Variants in AGPS observed in about 807,000 individuals in gnomAD.
AGPS encodes the protein alkyldihydroxyacetonephosphate synthase, peroxisomal.
In AGPS, 26 loss-of-function variants were observed where a neutral mutation model predicts 90.7. The observed-to-expected ratio is 0.29, with a 90% CI of 0.21 to 0.40. The LOEUF is 0.40. AGPS is among the 10% of genes least tolerant of loss of function. The probability of loss-of-function intolerance (pLI) is 1.00; values close to 1 mark genes in which losing one functional copy is unlikely to be tolerated. For missense variants in AGPS, 540 were observed against 816.1 expected (o/e 0.66, Z 4.12); for synonymous variants, 294 against 285.3 (o/e 1.03, Z -0.31).
At chr2:177,444,518 C>A (rs185019556) in intron 7 of AGPS, among the ~76,000 whole-genome samples, 1 of 151,498 alleles carries the variant, frequency 6.6e-6, no homozygotes, top group East Asian at 1.9e-4. Flanking sequence ...AAAGTGCATT[C>A]ACATACATCA....
At chr2:177,432,846 G>A (rs778042505) in intron 2 of AGPS, among the ~76,000 whole-genome samples, 1 of 152,208 alleles carries the variant, frequency 6.6e-6, no homozygotes, top group Non-Finnish European at 1.5e-5. Context: ...TGCAGAAGGG[G>A]AAGGGGAGCT....
At chr2:177,462,075 A>G in intron 9 of AGPS, 57 bp downstream of exon 9, 1 of 1,399,664 alleles carries the variant, frequency 7.1e-7, no homozygotes, top group South Asian at 1.3e-5. Flanking sequence ...TATTATTATA[A>G]AATGATTAGA....
intron 2 of AGPS, 95 bp from the exon 3 acceptor site, chr2:177,434,232 T>C: frequency 1.2e-6 from 1 of 831,970 alleles, no homozygotes; most frequent in South Asian, 1.6e-5. Context: ...GTTGGTTTGA[T>C]AGTAGCTGCT....
At chr2:177,511,927 A>G (rs1043927453) in intron 16 of AGPS, among the ~76,000 whole-genome samples, 21 of 152,192 alleles carry the variant, frequency 1.4e-4, no homozygotes, top group African/African-American at 4.3e-4. Context: ...TTACTATTGT[A>G]TTTAAGATGA....
At chr2:177,537,454 C>A (rs1288995795) in intron 19 of AGPS, among the ~76,000 whole-genome samples, 3 of 151,918 alleles carry the variant, frequency 2.0e-5, no homozygotes, top group African/African-American at 7.2e-5. Flanking sequence ...GAAAAAAATT[C>A]TAAATCTGGA....
chr2:177,460,317 T>TA (rs58426500), intron 8 of AGPS, among the ~76,000 whole-genome samples: 6,425 of 151,042 alleles, frequency 0.043, 453 homozygotes, highest in African/African-American at 0.15. Flanking sequence ...AGTATAATGA[T>TA]AAAAAAAAAT....
At chr2:177,432,000 C>T (rs1410473545) in intron 2 of AGPS, among the ~76,000 whole-genome samples, 1 of 152,216 alleles carries the variant, frequency 6.6e-6, no homozygotes, top group Non-Finnish European at 1.5e-5. Context: ...TGTTCCTCTG[C>T]CATGGCTCCA....
chr2:177,449,637 G>T (rs1320877603), intron 8 of AGPS, among the ~76,000 whole-genome samples: 1 of 152,040 alleles, frequency 6.6e-6, no homozygotes, highest in South Asian at 2.1e-4. Flanking sequence ...ATGTTGCCCA[G>T]GCTGTTCCTG....
In AGPS at chr2:177,392,897, G is replaced by A. The variant is rs886055163; in HGVS notation, c.108G>A (p.Arg36=). ...ACCCGGACCCGGACCGCGCCGGGCG[G>A]AGGCTGCGGGTTCTCTCTGGCCATC... ...DRDPDPDRAG[R]RLRVLSGHLL... Residue 36 remains arginine, a synonymous_variant, in exon 1 of 20, where the codon CGG becomes CGA. Coordinates refer to ENST00000264167, the MANE Select transcript of AGPS (RefSeq NM_003659.4). 2 of 1,550,574 alleles carry A rather than the reference G, an allele frequency of 1.3e-6. No individual in the cohort carries two copies. Among genetic ancestry groups the A allele is most frequent in the Non-Finnish European group, 1.7e-6 (2 of 1,147,508 alleles).
At chr2:177,461,496 T>C (rs550536787) in intron 8 of AGPS, among the ~76,000 whole-genome samples, 1 of 152,328 alleles carries the variant, frequency 6.6e-6, no homozygotes, top group Non-Finnish European at 1.5e-5. Flanking sequence ...GCTTTATTTA[T>C]TGAAAGTGTT....
At chr2:177,536,446 A>G (rs2079184944) in intron 19 of AGPS, among the ~76,000 whole-genome samples, 1 of 152,162 alleles carries the variant, frequency 6.6e-6, no homozygotes, top group African/African-American at 2.4e-5. Context: ...AATCTGGAAA[A>G]AACTGATTTT....
chr2:177,434,997 GTATATA>G (rs1553509324), intron 3 of AGPS, among the ~76,000 whole-genome samples: 50 of 128,130 alleles, frequency 3.9e-4, no homozygotes, highest in African/African-American at 9.2e-4. Context: ...TAAACTGTAG[GTATATA>G]TATATATATA....
chr2:177,504,057 A>C lies in AGPS; in HGVS notation c.1476-1449A>C, dbSNP rs114675896. Among the ~76,000 whole-genome samples the C allele has an allele frequency of 1.5e-3, 236 of 152,306 alleles. 4 individuals carry two copies. Among genetic ancestry groups the C allele is most frequent in the African/African-American group, 5.5e-3 (230 of 41,574 alleles). On this transcript the variant is annotated intron_variant, in intron 14 of 19. Transcript: ENST00000264167. ...ATACCTGTTACTTCTCATCAGATAC[A>C]TACTTGGCATTCTCTTTTCTCAAAT... is the stretch of plus-strand genomic sequence containing the variant.
intron 8 of AGPS, among the ~76,000 whole-genome samples, chr2:177,450,673 A>G (rs1164762613): frequency 1.3e-5 from 2 of 152,048 alleles, no homozygotes; most frequent in Non-Finnish European, 2.9e-5. Flanking sequence ...TTGGATTACT[A>G]TAGCTTTATC....
intron 10 of AGPS, among the ~76,000 whole-genome samples, chr2:177,474,110 A>G (rs1279873654): frequency 3.9e-5 from 6 of 152,212 alleles, no homozygotes; most frequent in Admixed American, 3.3e-4. Context: ...TGAATAAGTA[A>G]TAACTTGTAC....
intron 14 of AGPS, among the ~76,000 whole-genome samples, chr2:177,500,210 A>T (rs981763159): frequency 6.6e-6 from 1 of 152,028 alleles, no homozygotes; most frequent in Non-Finnish European, 1.5e-5. Context: ...TTGTGCTGGT[A>T]TAAAGAAACA....
intron 1 of AGPS, among the ~76,000 whole-genome samples, chr2:177,414,927 G>A (rs1223509514): frequency 2.5e-5 from 1 of 40,542 alleles, no homozygotes; most frequent in African/African-American, 6.0e-5. Context: ...TGTGTATAAT[G>A]TATATAATAT....
intron 1 of AGPS, among the ~76,000 whole-genome samples, chr2:177,405,215 A>C (rs753459852): frequency 3.3e-5 from 5 of 152,246 alleles, no homozygotes; most frequent in Admixed American, 1.3e-4. Context: ...AGCCAATAGC[A>C]CAGAATAATT....
At chr2:177,517,567 G>T (rs1003950916) in intron 17 of AGPS, among the ~76,000 whole-genome samples, 6 of 152,064 alleles carry the variant, frequency 3.9e-5, no homozygotes, top group Admixed American at 3.9e-4. Flanking sequence ...GACTTTAAGT[G>T]CAGTATACTT....
Sources: allele counts gnomAD v4.1 joint callset (sites outside exome capture counted in the v4.1 genomes callset), GRCh38; gene constraint gnomAD v4.1.1; transcripts MANE v1.5; gene names NCBI Gene and HGNC (gene_info 2026-07-23, HGNC 2026-07-21).